AFF2: variants seen among roughly 807,000 people sequenced by gnomAD.
The protein encoded by AFF2 is AF4/FMR2 family member 2.
In AFF2, 14 loss-of-function variants were observed where a neutral mutation model predicts 76.9. The observed-to-expected ratio is 0.18, with a 90% CI of 0.12 to 0.28. The LOEUF is 0.28. Ranked by LOEUF, AFF2 falls within the 10% of genes least tolerant of loss-of-function variation. The pLI is 1.00. For missense variants in AFF2, 868 were observed against 1,001.1 expected, an observed-to-expected ratio of 0.87 and a Z score of 1.79; for synonymous variants, 398 against 366.7, an observed-to-expected ratio of 1.09 and a Z score of -0.98.
intron 3 of AFF2, among the ~76,000 whole-genome samples, chrX:148,737,686 G>C (rs1467152653): frequency 9.0e-6 from 1 of 111,575 alleles, no homozygotes; most frequent in African/African-American, 3.3e-5. Flanking sequence ...GGGCATCCTT[G>C]TCTTGTTCCA....
chrX:148,541,032 C>T (rs782101327), intron 1 of AFF2, among the ~76,000 whole-genome samples: 1 of 112,283 alleles, frequency 8.9e-6, no homozygotes, highest in South Asian at 3.7e-4. Flanking sequence ...CTCAGTCATT[C>T]AAACAGCCTG....
chrX:148,511,542 G>A (rs782454307), intron 1 of AFF2, among the ~76,000 whole-genome samples: 6 of 112,559 alleles, frequency 5.3e-5, no homozygotes, highest in Non-Finnish European at 1.1e-4. Flanking sequence ...GTTTCCACAC[G>A]TGCTGATTTT....
At chrX:148,566,018 G>A (rs1008784898) in intron 1 of AFF2, among the ~76,000 whole-genome samples, 4 of 111,589 alleles carry the variant, frequency 3.6e-5, no homozygotes, top group Non-Finnish European at 3.8e-5. Context: ...ATTGTCAGAT[G>A]TGTATACATA....
chrX:148,734,563 C>G (rs201225045), intron 3 of AFF2, among the ~76,000 whole-genome samples: 8 of 111,564 alleles, frequency 7.2e-5, no homozygotes, highest in African/African-American at 2.3e-4. Context: ...CAGGAAATGA[C>G]GTATATGATA....
chrX:148,879,133 A>G (rs1484579365), intron 7 of AFF2, among the ~76,000 whole-genome samples: 1 of 111,938 alleles, frequency 8.9e-6, no homozygotes, highest in Non-Finnish European at 1.9e-5. Context: ...TGTATCACAT[A>G]TGCACCCAGA....
intron 1 of AFF2, among the ~76,000 whole-genome samples, chrX:148,619,594 T>C (rs1456415308): frequency 2.7e-5 from 3 of 112,163 alleles, no homozygotes; most frequent in Non-Finnish European, 5.6e-5. Flanking sequence ...AGTTGGAAGA[T>C]GGAATGCTGC....
intron 3 of AFF2, among the ~76,000 whole-genome samples, chrX:148,736,869 G>C (rs2055291059): frequency 1.8e-5 from 2 of 111,339 alleles, no homozygotes; most frequent in South Asian, 7.6e-4. Context: ...TGTTGAAAAG[G>C]GTGTCTTTTC....
intron 1 of AFF2, among the ~76,000 whole-genome samples, chrX:148,612,034 A>G (rs1031825029): frequency 1.3e-4 from 14 of 111,817 alleles, no homozygotes; most frequent in African/African-American, 4.6e-4. Context: ...TTCCTGTGCT[A>G]TTAATCAGGC....
At chrX:148,773,685 GGAAAGAAAGAAAGAAAGAAAGAAA>G (rs1205912443) in intron 3 of AFF2, among the ~76,000 whole-genome samples, 15 of 51,442 alleles carry the variant, frequency 2.9e-4, no homozygotes, top group Non-Finnish European at 4.7e-4. Flanking sequence ...AAGGAAGGAA[GGAAAGAAAGAAAGAAAGAAAGAAA>G]GAAAGAAAGA....
At chrX:148,764,880 C>T (rs782666292) in intron 3 of AFF2, among the ~76,000 whole-genome samples, 2 of 111,659 alleles carry the variant, frequency 1.8e-5, no homozygotes, top group Non-Finnish European at 3.8e-5. Flanking sequence ...TATTTCTTCC[C>T]GAATTATTTA....
rs183234932 is a variant in AFF2, at chrX:148,796,489, A to G, written c.1042-13387A>G. On this transcript the variant is annotated intron_variant, in intron 3 of 20. Coordinates refer to ENST00000370460, the MANE Select transcript of AFF2 (RefSeq NM_002025.4). Reference sequence around the variant, plus strand: ...TTAGAAACCACTAGAAATAATCTCCATTGGAAACCGGGCTTCGACTTTCTG... The same window carrying G: ...TTAGAAACCACTAGAAATAATCTCCGTTGGAAACCGGGCTTCGACTTTCTG... 3.6e-5 allele frequency among the ~76,000 whole-genome samples: 4 copies of G among 112,397 alleles called. No homozygotes were observed. The East Asian group carries it at 1.1e-3, about 32-fold the overall frequency.
chrX:148,514,089 T>C (rs1485216697), intron 1 of AFF2, among the ~76,000 whole-genome samples: 2 of 112,019 alleles, frequency 1.8e-5, no homozygotes, highest in Admixed American at 1.9e-4. Context: ...ACCATGCCTA[T>C]CTGACTTTAT....
At chrX:148,757,253 G>A (rs1315720891) in intron 3 of AFF2, among the ~76,000 whole-genome samples, 2 of 111,963 alleles carry the variant, frequency 1.8e-5, no homozygotes, top group South Asian at 7.4e-4. Flanking sequence ...GCACTGCAAG[G>A]GTAGAGTTGA....
At chrX:148,950,702 A>G (rs1242601995) in intron 9 of AFF2, among the ~76,000 whole-genome samples, 1 of 112,331 alleles carries the variant, frequency 8.9e-6, no homozygotes, top group Non-Finnish European at 1.9e-5. Context: ...AATTCTTAGG[A>G]TACATAATTT....
chrX:148,982,742 A>G (rs1267133986), intron 19 of AFF2, among the ~76,000 whole-genome samples: 1 of 111,749 alleles, frequency 8.9e-6, no homozygotes, highest in Non-Finnish European at 1.9e-5. Flanking sequence ...AAGCTGGAGA[A>G]AGAAAGTGCA....
intron 13 of AFF2, among the ~76,000 whole-genome samples, chrX:148,964,768 G>A (rs1315680285): frequency 8.9e-6 from 1 of 112,251 alleles, no homozygotes; most frequent in East Asian, 2.8e-4. Context: ...GAATGGTTAA[G>A]ATGGTACATT....
intron 1 of AFF2, among the ~76,000 whole-genome samples, chrX:148,557,119 T>C (rs1375898475): frequency 8.9e-6 from 1 of 111,774 alleles, no homozygotes; most frequent in African/African-American, 3.3e-5. Flanking sequence ...CTGAAGGTAA[T>C]TCCCTCAGAG....
intron 1 of AFF2, among the ~76,000 whole-genome samples, chrX:148,524,968 A>G (rs367671544): frequency 4.4e-5 from 5 of 112,385 alleles, no homozygotes; most frequent in African/African-American, 1.6e-4. Context: ...TGAATTTTCT[A>G]ATATTTTTGG....
rs868937894 is a variant in AFF2, at chrX:148,581,256, G to A, written c.48-70743G>A. Among the ~76,000 whole-genome samples the A allele has an allele frequency of 7.1e-4, 56 of 79,308 alleles. 3 individuals carry two copies. Among genetic ancestry groups the A allele is most frequent in the African/African-American group, 2.5e-3 (52 of 20,483 alleles). 68.9% of individuals were successfully genotyped at this position (79,308 alleles called of 115,157 possible). A position where few individuals can be genotyped will look rare whatever the true frequency, so the allele number is the denominator to read the frequency against. On this transcript the variant is annotated intron_variant, in intron 1 of 20. Coordinates refer to ENST00000370460, the MANE Select transcript of AFF2 (RefSeq NM_002025.4). ...TACGTATACGTGTACACACATATAC[G>A]TATACGTGTACACACATATACACGT... is the stretch of plus-strand genomic sequence containing the variant.
Sources: allele counts gnomAD v4.1 joint callset (sites outside exome capture counted in the v4.1 genomes callset), GRCh38; gene constraint gnomAD v4.1.1; transcripts MANE v1.5; gene names NCBI Gene and HGNC (gene_info 2026-07-23, HGNC 2026-07-21).